The following TMEM132B variants were observed in gnomAD, a reference collection of about 807,000 sequenced individuals.
The protein encoded by TMEM132B is transmembrane protein 132B.
Under a neutral mutation model 90.8 loss-of-function variants are expected in TMEM132B, and 18 were observed. The ratio of observed to expected loss-of-function variants is 0.20; its 90% CI spans 0.14 to 0.29. The LOEUF is 0.29. Among genes scored for constraint, TMEM132B ranks in the 10% least tolerant of loss-of-function variants. The pLI is 1.00. For missense variants in TMEM132B, 1,096 were observed against 1,326.8 expected (o/e 0.83, Z 2.70); for synonymous variants, 504 against 523.3 (o/e 0.96, Z 0.50).
intron 2 of TMEM132B, among the ~76,000 whole-genome samples, chr12:125,377,085 G>A (rs921226362): frequency 2.6e-5 from 4 of 152,238 alleles, no homozygotes; most frequent in Admixed American, 6.5e-5. Context: ...AGCAGCCTGC[G>A]TTTCCCCAGT....
chr12:125,395,780 C>T lies in TMEM132B; in HGVS notation c.960-19751C>T, dbSNP rs150342452. ...AGTCTCAGGTCTGGCTGGATCCAGA[C>T]GCTGAGATGGAGTGGCCAGAAAGCA... On this transcript the variant is annotated intron_variant, in intron 2 of 8. Coordinates refer to ENST00000682704, the MANE Select transcript of TMEM132B (RefSeq NM_001366854.1). 1.8e-3 allele frequency among the ~76,000 whole-genome samples: 278 copies of T among 152,296 alleles called. 1 individual carries two copies. The highest frequency in any genetic ancestry group is 0.015 in the East Asian group (77 of 5,180).
chr12:125,286,563 C>T (rs1175922382), intron 1 of TMEM132B, among the ~76,000 whole-genome samples: 1 of 151,820 alleles, frequency 6.6e-6, no homozygotes, highest in African/African-American at 2.4e-5. Context: ...AATAAGTTAC[C>T]ACCAATTTAG....
chr12:125,206,660 G>T (rs1474734507), intron 1 of TMEM132B, among the ~76,000 whole-genome samples: 23 of 152,066 alleles, frequency 1.5e-4, no homozygotes, highest in Non-Finnish European at 1.0e-4. Flanking sequence ...TTGCTCGGTT[G>T]CCTTGTGTCT....
Position 125,429,540 on chromosome 12 carries a change from A to G in TMEM132B, c.1106+13863A>G, listed in dbSNP as rs115993441. On this transcript the variant is annotated intron_variant, in intron 3 of 8. Transcript: ENST00000682704. ...TCTTTCTGTTCTAGGATCCCACATG[A>G]CATTTAGTCATCGTGTCTCCTGAGG... Among the ~76,000 whole-genome samples, 1,152 of 152,070 alleles carry G rather than the reference A, an allele frequency of 7.6e-3. 17 individuals carry two copies. Among genetic ancestry groups the G allele is most frequent in the African/African-American group, 0.025 (1,053 of 41,482 alleles).
At chr12:125,528,783 CAT>C (rs886160004) in intron 4 of TMEM132B, among the ~76,000 whole-genome samples, 2 of 152,160 alleles carry the variant, frequency 1.3e-5, no homozygotes, top group African/African-American at 4.8e-5. Context: ...TTAATCAACA[CAT>C]GTTTTGCATG....
intron 4 of TMEM132B, among the ~76,000 whole-genome samples, chr12:125,565,324 C>A (rs890682495): frequency 6.6e-6 from 1 of 152,182 alleles, no homozygotes; most frequent in Admixed American, 6.5e-5. Context: ...GGGATACATG[C>A]AGATGGGCAG....
chr12:125,239,530 G>T (rs1296980090), intron 1 of TMEM132B, among the ~76,000 whole-genome samples: 1 of 152,140 alleles, frequency 6.6e-6, no homozygotes, highest in Non-Finnish European at 1.5e-5. Context: ...TGCCTGTGTT[G>T]CGTTTGTTCT....
chr12:125,531,580 T>A lies in TMEM132B; in HGVS notation c.1293+11955T>A, dbSNP rs182470892. Reference sequence around the variant, plus strand: ...CCACAAAACTACAAGTTTGTCAGTATAATTACCGTTGAGGAAGACACAAAA... The same window carrying A: ...CCACAAAACTACAAGTTTGTCAGTAAAATTACCGTTGAGGAAGACACAAAA... On this transcript the variant is annotated intron_variant, in intron 4 of 8. Transcript: ENST00000682704. 1.5e-4 allele frequency among the ~76,000 whole-genome samples: 23 copies of A among 152,318 alleles called. No individual in the cohort carries two copies. In the South Asian group the frequency reaches 2.7e-3, roughly 18 times the overall value.
intron 1 of TMEM132B, among the ~76,000 whole-genome samples, chr12:125,257,011 G>A (rs911601513): frequency 3.3e-5 from 5 of 152,128 alleles, no homozygotes; most frequent in African/African-American, 9.7e-5. Context: ...TGCAGTTTTT[G>A]TAGGTAAAAA....
chr12:125,599,682 T>A (rs1030359036), intron 5 of TMEM132B, among the ~76,000 whole-genome samples: 1 of 152,136 alleles, frequency 6.6e-6, no homozygotes, highest in Non-Finnish European at 1.5e-5. Flanking sequence ...GCAGGAGTTT[T>A]TGTTTTAGAT....
intron 4 of TMEM132B, among the ~76,000 whole-genome samples, chr12:125,525,742 C>T (rs1010656052): frequency 3.3e-5 from 5 of 152,212 alleles, no homozygotes; most frequent in African/African-American, 1.2e-4. Flanking sequence ...CTGCCTCCTG[C>T]TTCCTTCCCA....
rs532407058 is a variant in TMEM132B, at chr12:125,329,332, C to T, written c.68-20120C>T. 8.5e-5 allele frequency among the ~76,000 whole-genome samples: 13 copies of T among 152,338 alleles called. 1 individual carries two copies. The highest frequency in any genetic ancestry group is 7.8e-4 in the Admixed American group (12 of 15,306). On this transcript the variant is annotated intron_variant, in intron 1 of 8. Transcript: ENST00000682704. Reference sequence around the variant, plus strand: ...CCAGCCTATGATGGATTTGTTACAGCTGGCCAAGCTGACTTAGACAAATGA... The same window carrying T: ...CCAGCCTATGATGGATTTGTTACAGTTGGCCAAGCTGACTTAGACAAATGA...
At chr12:125,461,883 C>G (rs1332827025) in intron 3 of TMEM132B, among the ~76,000 whole-genome samples, 3 of 152,240 alleles carry the variant, frequency 2.0e-5, no homozygotes, top group Admixed American at 2.0e-4. Flanking sequence ...CGTCCACAAG[C>G]CTGGTTCTCG....
At position 125,301,563 on chromosome 12, in the gene TMEM132B, G is replaced by A. The variant is rs150639449; in HGVS notation, c.68-47889G>A. The A allele has an allele frequency of 3.2e-3, 487 of 152,426 alleles. 4 individuals carry two copies. The highest frequency in any genetic ancestry group is 0.011 in the African/African-American group (458 of 41,574). 9.4% of individuals were successfully genotyped at this position (152,426 alleles called of 1,614,324 possible). ...ACCAAGGCCAGTCTAGATGAGCCAA[G>A]AGCTAGTAGAGCCCCGGATATTTAA... On this transcript the variant is annotated intron_variant, in intron 1 of 8. Transcript: ENST00000682704.
intron 2 of TMEM132B, among the ~76,000 whole-genome samples, chr12:125,380,708 G>C (rs548415368): frequency 4.8e-4 from 73 of 152,332 alleles, no homozygotes; most frequent in African/African-American, 1.7e-3. Flanking sequence ...GGCTTCAGCT[G>C]ATGGGAGGCA....
chr12:125,368,334 T>G (rs955420799), intron 2 of TMEM132B, among the ~76,000 whole-genome samples: 15 of 152,180 alleles, frequency 9.9e-5, no homozygotes, highest in African/African-American at 3.1e-4. Context: ...TTGTGCATAA[T>G]TTTAATTTGT....
chr12:125,281,093 C>T (rs1875155891), intron 1 of TMEM132B, among the ~76,000 whole-genome samples: 1 of 152,162 alleles, frequency 6.6e-6, no homozygotes, highest in Non-Finnish European at 1.5e-5. Context: ...GAGAAAGGCC[C>T]CAGCAGGGGA....
intron 1 of TMEM132B, among the ~76,000 whole-genome samples, chr12:125,194,270 G>GC (rs1555231222): frequency 2.0e-5 from 3 of 149,454 alleles, no homozygotes; most frequent in East Asian, 2.0e-4. Context: ...TAACCCGTTG[G>GC]TGGGGGGGTC....
chr12:125,361,866 G>A (rs1357652703), intron 2 of TMEM132B, among the ~76,000 whole-genome samples: 1 of 152,222 alleles, frequency 6.6e-6, no homozygotes, highest in African/African-American at 2.4e-5. Context: ...AAGAGCCTGT[G>A]CACAAAAGTA....
Sources: gnomAD v4.1 joint callset for allele counts (sites outside exome capture counted in the v4.1 genomes callset) on GRCh38, gnomAD v4.1.1 for gene constraint, MANE v1.5 for transcripts, NCBI Gene and HGNC (gene_info 2026-07-23, HGNC 2026-07-21) for gene names.